The following RPL23 variants were observed in gnomAD, a reference collection of about 807,000 sequenced individuals.
The protein encoded by RPL23 is large ribosomal subunit protein uL14.
For missense variants in RPL23, 79 were observed against 178.8 expected (o/e 0.44, Z 3.18); for synonymous variants, 63 against 65.3 (o/e 0.97, Z 0.17).
chr17:38,850,610 T>A (rs1847725617), intron 3 of RPL23, 135 bp from the exon 4 acceptor site: 1 of 641,546 alleles, frequency 1.6e-6, no homozygotes. Context: ...TTCAAGGTGA[T>A]CCTCCCACCT....
At chr17:38,853,417 G>C in intron 1 of RPL23, 2 of 715,190 alleles carry the variant, frequency 2.8e-6, no homozygotes, top group Non-Finnish European at 5.2e-6. Flanking sequence ...CGCAAACCAG[G>C]GCCTAATCCA....
chr17:38,852,915 A>C (rs1364375071), intron 2 of RPL23, 107 bp downstream of exon 2: 1 of 1,379,490 alleles, frequency 7.2e-7, no homozygotes, highest in Non-Finnish European at 1.0e-6. Context: ...CTTCACCCAA[A>C]AGCGATGTTT....
rs977039896 is a variant in RPL23, at chr17:38,848,970, T to TA, written c.*1161dup. 1.5e-4 allele frequency: 23 copies of TA among 152,158 alleles called. No individual in the cohort carries two copies. The highest frequency in any genetic ancestry group is 5.6e-4 in the African/African-American group (23 of 41,440). 9.4% of individuals were successfully genotyped at this position (152,158 alleles called of 1,614,324 possible). The stretch of plus-strand genomic sequence containing the variant: ...GCTGGGTGTCACCTAAATAAACTCT[T>TA]ACACGTTTAGAAAGAAATGCTAACA... On this transcript the variant is annotated 3_prime_UTR_variant, in exon 5 of 5. Transcript: ENST00000479035.
Position 38,848,185 on chromosome 17 carries a change from G to A in RPL23, c.*1947C>T. ...GGGCTTGTCACACTAAAGCTGACTT[G>A]AAATTGACCATACTCAGGGATGTTA... On this transcript the variant is annotated 3_prime_UTR_variant, in exon 5 of 5. Coordinates refer to ENST00000479035, the MANE Select transcript of RPL23 (RefSeq NM_000978.4). 2 of 1,065,956 alleles carry A rather than the reference G, an allele frequency of 1.9e-6. No individual in the cohort carries two copies. The highest frequency in any genetic ancestry group is 2.5e-6 in the Non-Finnish European group (2 of 811,316). 66.0% of individuals were successfully genotyped at this position (1,065,956 alleles called of 1,614,324 possible). A position where few individuals can be genotyped will look rare whatever the true frequency, so the allele number is the denominator to read the frequency against.
At position 38,849,956 on chromosome 17, in the gene RPL23, A is replaced by T. The variant is rs1420114546; in HGVS notation, c.*176T>A. Reference sequence around the variant, plus strand: ...AACATGGTGAAACCCTGTCTCCACCAAAAATACAAAAACTAGCCAGGCATG... The same window carrying T: ...AACATGGTGAAACCCTGTCTCCACCTAAAATACAAAAACTAGCCAGGCATG... On this transcript the variant is annotated 3_prime_UTR_variant, in exon 5 of 5. Transcript: ENST00000479035. 1.3e-5 allele frequency: 7 copies of T among 527,808 alleles called. No homozygotes were observed. Among genetic ancestry groups the T allele is most frequent in the Non-Finnish European group, 2.0e-5 (6 of 302,580 alleles). 32.7% of individuals were successfully genotyped at this position (527,808 alleles called of 1,614,324 possible).
At chr17:38,851,384 T>C (rs1912998129) in intron 3 of RPL23, 1 of 152,220 alleles carries the variant, frequency 6.6e-6, no homozygotes, top group African/African-American at 2.4e-5. Flanking sequence ...TCCTTTTGCA[T>C]ATTTCTGTGC....
At chr17:38,852,790 A>G (rs1913039974) in intron 2 of RPL23, 58 bp from the exon 3 acceptor site, 4 of 1,611,726 alleles carry the variant, frequency 2.5e-6, no homozygotes, top group African/African-American at 1.3e-5. Context: ...CCGTTCCATC[A>G]GTATAACATT....
chr17:38,849,257 T>C lies in RPL23; in HGVS notation c.*875A>G, dbSNP rs1344890960. The C allele has an allele frequency of 6.6e-6, 1 of 151,374 alleles. No individual in the cohort carries two copies. Among genetic ancestry groups the C allele is most frequent in the Non-Finnish European group, 1.5e-5 (1 of 68,000 alleles). The allele number at this position is 151,374 out of a possible 1,614,324, so 9.4% of individuals were successfully genotyped here. ...ACTCCAAATCTGTTAACTGCTAAAA[T>C]GTACATACATAAACAAACTCACATC... On this transcript the variant is annotated 3_prime_UTR_variant, in exon 5 of 5. Transcript: ENST00000479035.
In RPL23 at chr17:38,849,664, A is replaced by G. The variant is rs1772369335; in HGVS notation, c.*468T>C. On this transcript the variant is annotated 3_prime_UTR_variant, in exon 5 of 5. Transcript: ENST00000479035. ...TGAATGCCTTCCTCACTCCAGGAGA[A>G]GCTACCATGTATAGCCAGTCATTGA... is the stretch of plus-strand genomic sequence containing the variant. The G allele has an allele frequency of 6.5e-6, 1 of 153,200 alleles. No homozygotes were observed. The allele number at this position is 153,200 out of a possible 1,614,324, so 9.5% of individuals were successfully genotyped here.
At chr17:38,853,280 C>A (rs894950470) in intron 1 of RPL23, 175 bp from the exon 2 acceptor site, 1 of 655,220 alleles carries the variant, frequency 1.5e-6, no homozygotes, top group Non-Finnish European at 2.8e-6. Context: ...CCGATTCTCA[C>A]GGAAAGTAGC....
intron 3 of RPL23, chr17:38,852,043 G>C (rs1333277345): frequency 6.6e-6 from 1 of 152,218 alleles, no homozygotes; most frequent in Non-Finnish European, 1.5e-5. Flanking sequence ...AAAATTTTGA[G>C]TGGGGAGCCT....
At position 38,853,141 on chromosome 17, in the gene RPL23, G is replaced by A. The variant is rs767205327; in HGVS notation, c.14-36C>T. 7 of 1,524,478 alleles carry A rather than the reference G, an allele frequency of 4.6e-6. No individual in the cohort carries two copies. The South Asian group carries it at 5.6e-5, about 12-fold the overall frequency. 94.4% of individuals were successfully genotyped at this position (1,524,478 alleles called of 1,614,324 possible). A position where few individuals can be genotyped will look rare whatever the true frequency, so the allele number is the denominator to read the frequency against. On this transcript the variant is annotated intron_variant, in intron 1 of 4. Transcript: ENST00000479035. ...AAAGGGAAGGGAAACAGGATAAAGAGATCACAATCTAGACATGGTTCGGAG... is the reference window on the plus strand; with the variant it reads ...AAAGGGAAGGGAAACAGGATAAAGAAATCACAATCTAGACATGGTTCGGAG...
chr17:38,852,777 A>G, intron 2 of RPL23, 45 bp from the exon 3 acceptor site: 3 of 1,613,446 alleles, frequency 1.9e-6, no homozygotes, highest in Non-Finnish European at 2.5e-6. Flanking sequence ...GAGGGCCATC[A>G]GGCCGTTCCA....
chr17:38,853,197 G>T, intron 1 of RPL23, 92 bp from the exon 2 acceptor site: 1 of 966,106 alleles, frequency 1.0e-6, no homozygotes, highest in Non-Finnish European at 1.7e-6. Flanking sequence ...GTAATTCACC[G>T]CACATGCTTT....
Position 38,849,887 on chromosome 17 carries a change from G to T in RPL23, c.*245C>A. 2.5e-6 allele frequency: 1 copy of T among 398,208 alleles called. No homozygotes were observed. The highest frequency in any genetic ancestry group is 4.5e-6 in the Non-Finnish European group (1 of 223,342). 24.7% of individuals were successfully genotyped at this position (398,208 alleles called of 1,614,324 possible). A position where few individuals can be genotyped will look rare whatever the true frequency, so the allele number is the denominator to read the frequency against. ...TATGTCAAAAACACTGTAGAGGCCT[G>T]GGTGGGCAGATCACTTGAGATCAGG... On this transcript the variant is annotated 3_prime_UTR_variant, in exon 5 of 5. Coordinates refer to ENST00000479035, the MANE Select transcript of RPL23 (RefSeq NM_000978.4).
intron 1 of RPL23, 175 bp from the exon 2 acceptor site, chr17:38,853,280 C>T (rs894950470): frequency 2.6e-5 from 17 of 655,102 alleles, no homozygotes; most frequent in Non-Finnish European, 4.2e-5. Flanking sequence ...CCGATTCTCA[C>T]GGAAAGTAGC....
Position 38,849,262 on chromosome 17 carries a change from A to G in RPL23, c.*870T>C, listed in dbSNP as rs1912935584. Reference sequence around the variant, plus strand: ...AAATCTGTTAACTGCTAAAATGTACATACATAAACAAACTCACATCATTCC... The same window carrying G: ...AAATCTGTTAACTGCTAAAATGTACGTACATAAACAAACTCACATCATTCC... On this transcript the variant is annotated 3_prime_UTR_variant, in exon 5 of 5. Transcript: ENST00000479035. The G allele has an allele frequency of 6.6e-6, 1 of 152,110 alleles. No homozygotes were observed. The highest frequency in any genetic ancestry group is 2.1e-4 in the South Asian group (1 of 4,830). The allele number at this position is 152,110 out of a possible 1,614,324, so 9.4% of individuals were successfully genotyped here. A position where few individuals can be genotyped will look rare whatever the true frequency, so the allele number is the denominator to read the frequency against.
chr17:38,853,519 T>C (rs1164790188), intron 1 of RPL23, 179 bp downstream of exon 1: 1 of 761,532 alleles, frequency 1.3e-6, no homozygotes, highest in Non-Finnish European at 2.4e-6. Context: ...CCATCTCAAC[T>C]CTCCAGCACC....
intron 3 of RPL23, chr17:38,851,730 C>CA: frequency 1.3e-5 from 2 of 152,232 alleles, no homozygotes; most frequent in Middle Eastern, 6.8e-3. Flanking sequence ...TAATGGTGAA[C>CA]AAAAAACAAT....
Sources: allele counts gnomAD v4.1 joint callset, GRCh38; gene constraint gnomAD v4.1.1; transcripts MANE v1.5; gene names NCBI Gene and HGNC (gene_info 2026-07-23, HGNC 2026-07-21).